INPP4B: variants seen among roughly 807,000 people sequenced by gnomAD.
The protein encoded by INPP4B is inositol polyphosphate-4-phosphatase type II B.
In INPP4B, 55 loss-of-function variants were observed where a neutral mutation model predicts 122.5. The ratio of observed to expected loss-of-function variants is 0.45; its 90% confidence interval spans 0.36 to 0.56. The LOEUF (loss-of-function observed/expected upper bound fraction) is 0.56. Among genes scored for constraint, INPP4B ranks in the 20% least tolerant of loss-of-function variants. The pLI is 0.00. For synonymous variants in INPP4B, 403 were observed against 388.7 expected, an observed-to-expected ratio of 1.04 and a Z score of -0.43; for missense variants, 1,000 against 1,097.7, an observed-to-expected ratio of 0.91 and a Z score of 1.26.
At chr4:142,481,539 C>A in intron 2 of INPP4B, among the ~76,000 whole-genome samples, 1 of 152,022 alleles carries the variant, frequency 6.6e-6, no homozygotes, top group Non-Finnish European at 1.5e-5. Flanking sequence ...GATATAATTT[C>A]TCCTTTGTTA....
chr4:142,407,246 T>G (rs981779314), intron 5 of INPP4B, among the ~76,000 whole-genome samples: 6 of 152,264 alleles, frequency 3.9e-5, no homozygotes, highest in African/African-American at 1.4e-4. Flanking sequence ...TTTCCTGATA[T>G]TGACATATAT....
At chr4:142,746,644 A>C (rs1768798689) in intron 1 of INPP4B, among the ~76,000 whole-genome samples, 1 of 152,152 alleles carries the variant, frequency 6.6e-6, no homozygotes, top group African/African-American at 2.4e-5. Context: ...ACAGTAAGAC[A>C]AACAGCATGG....
Position 142,173,706 on chromosome 4 carries a change from C to T in INPP4B, c.1285G>A (p.Asp429Asn). 6.2e-7 allele frequency: 1 copy of T among 1,613,346 alleles called. No individual in the cohort carries two copies. ...TGGCTTGCAGAATTAAGCAGTAGGT[C>T]TGCATGGGTTGCTATAAGAGGTTGT... ...QLQPLIATHA[D>N]LLLNSASQHS... The change falls in exon 16 of 26, where the codon GAC (aspartate) becomes AAC (asparagine). Residue 429 changes from aspartate to asparagine, a missense_variant. Transcript: ENST00000262992.
intron 11 of INPP4B, among the ~76,000 whole-genome samples, chr4:142,258,556 C>T (rs185159973): frequency 0.1 from 15,803 of 152,188 alleles, 910 homozygotes; most frequent in Middle Eastern, 0.15. Context: ...CATGAACAGA[C>T]GCTTCTCAAA....
intron 23 of INPP4B, among the ~76,000 whole-genome samples, chr4:142,088,193 G>T (rs527519079): frequency 6.6e-6 from 1 of 152,304 alleles, no homozygotes; most frequent in East Asian, 1.9e-4. Flanking sequence ...GCCGAATATG[G>T]AATGCCTTGA....
intron 23 of INPP4B, among the ~76,000 whole-genome samples, chr4:142,092,193 T>C (rs1779857245): frequency 6.6e-6 from 1 of 152,188 alleles, no homozygotes. Context: ...GGTTAGCTCA[T>C]AACAGCCATC....
chr4:142,167,466 G>C (rs1172932862), intron 16 of INPP4B, among the ~76,000 whole-genome samples: 1 of 151,614 alleles, frequency 6.6e-6, no homozygotes, highest in African/African-American at 2.4e-5. Flanking sequence ...CTAGGTGATG[G>C]GTTGATAGAT....
intron 2 of INPP4B, among the ~76,000 whole-genome samples, chr4:142,556,795 AG>A (rs1418308242): frequency 6.6e-6 from 1 of 152,214 alleles, no homozygotes; most frequent in African/African-American, 2.4e-5. Context: ...TAGCAGGGAT[AG>A]GGGCCTAAAA....
intron 7 of INPP4B, among the ~76,000 whole-genome samples, chr4:142,377,951 T>C (rs1792613393): frequency 6.6e-6 from 1 of 152,152 alleles, no homozygotes; most frequent in Admixed American, 6.6e-5. Context: ...TGGAGTCAGA[T>C]ACCGTCAAAC....
At position 142,808,155 on chromosome 4, in the gene INPP4B, A is replaced by T. The variant is rs149198880; in HGVS notation, c.-254+38054T>A. On this transcript the variant is annotated intron_variant, in intron 1 of 25. Transcript: ENST00000262992. ...AGAAACAAAGAAAAACAAGCCATCCATCCACCAACTAGATTCTTTCTTGAG... is the reference window on the plus strand; with the variant it reads ...AGAAACAAAGAAAAACAAGCCATCCTTCCACCAACTAGATTCTTTCTTGAG... Among the ~76,000 whole-genome samples the T allele has an allele frequency of 2.5e-3, 382 of 152,268 alleles. 5 individuals carry two copies. Among genetic ancestry groups the T allele is most frequent in the East Asian group, 0.019 (97 of 5,174 alleles).
chr4:142,101,228 T>C (rs1291301272), intron 23 of INPP4B, among the ~76,000 whole-genome samples: 1 of 152,126 alleles, frequency 6.6e-6, no homozygotes, highest in Non-Finnish European at 1.5e-5. Flanking sequence ...TCAACACACA[T>C]GGATTCCAAT....
At chr4:142,704,522 A>T (rs183131596) in intron 2 of INPP4B, among the ~76,000 whole-genome samples, 5 of 152,266 alleles carry the variant, frequency 3.3e-5, no homozygotes, top group African/African-American at 9.6e-5. Context: ...TCTTGCCACA[A>T]AACTTACACA....
intron 14 of INPP4B, 60 bp downstream of exon 14, chr4:142,208,365 G>GT (rs1843423525): frequency 2.5e-6 from 2 of 805,558 alleles, no homozygotes; most frequent in South Asian, 4.4e-5. Flanking sequence ...TAGTCAAGCT[G>GT]TTTACAGAAG....
intron 1 of INPP4B, among the ~76,000 whole-genome samples, chr4:142,844,747 T>C (rs1203387268): frequency 6.6e-6 from 1 of 152,246 alleles, no homozygotes; most frequent in African/African-American, 2.4e-5. Flanking sequence ...TTGCACCTTA[T>C]GCGCTGCTTT....
At chr4:142,734,749 G>T (rs554491854) in intron 1 of INPP4B, among the ~76,000 whole-genome samples, 12 of 152,102 alleles carry the variant, frequency 7.9e-5, no homozygotes, top group African/African-American at 2.7e-4. Flanking sequence ...GGGATCGAGC[G>T]ATTCTCTTGC....
Position 142,793,031 on chromosome 4 carries a change from T to C in INPP4B, c.-254+53178A>G, listed in dbSNP as rs117192734. Among the ~76,000 whole-genome samples the C allele has an allele frequency of 3.0e-4, 46 of 151,934 alleles. 1 individual carries two copies. In the East Asian group the frequency reaches 7.0e-3, roughly 23 times the overall value. On this transcript the variant is annotated intron_variant, in intron 1 of 25. Coordinates refer to ENST00000262992, the MANE Select transcript of INPP4B (RefSeq NM_001101669.3). ...TCCATCGAAATACTCATCTTCTAAG[T>C]CTTTGACTATCCCAAGATACCCTCT...
chr4:142,338,298 C>A (rs1777515378), intron 7 of INPP4B, among the ~76,000 whole-genome samples: 1 of 152,142 alleles, frequency 6.6e-6, no homozygotes, highest in South Asian at 2.1e-4. Context: ...TTCAGTGGTG[C>A]CATCTAGGCT....
intron 25 of INPP4B, among the ~76,000 whole-genome samples, chr4:142,062,136 G>A (rs72716496): frequency 0.063 from 9,519 of 152,104 alleles, 485 homozygotes; most frequent in East Asian, 0.24. Flanking sequence ...GCTTGCTCTA[G>A]TAATTCTGTA....
intron 1 of INPP4B, among the ~76,000 whole-genome samples, chr4:142,757,950 A>G (rs962474024): frequency 6.6e-6 from 1 of 151,970 alleles, no homozygotes. Flanking sequence ...AGAACTAGTG[A>G]ATCAGAATAT....
Sources: allele counts gnomAD v4.1 joint callset (sites outside exome capture counted in the v4.1 genomes callset), GRCh38; gene constraint gnomAD v4.1.1; transcripts MANE v1.5; gene names NCBI Gene and HGNC (gene_info 2026-07-23, HGNC 2026-07-21).